Variants in DRC11 observed in about 807,000 individuals in gnomAD.
DRC11 encodes the protein IQ and AAA domain-containing protein 1.
the DRC11 span, among the ~76,000 whole-genome samples, chr2:236,455,292 T>G: frequency 6.6e-6 from 1 of 152,372 alleles, no homozygotes; most frequent in Non-Finnish European, 1.5e-5. The surrounding 1 kb of genome is among the most constrained non-coding windows in gnomAD (Gnocchi z 5.7). Flanking sequence ...TCGCCTATTA[T>G]GAGCCATGAG....
the DRC11 span, among the ~76,000 whole-genome samples, chr2:236,467,855 ATTAG>A: frequency 6.6e-6 from 1 of 152,240 alleles, no homozygotes; most frequent in South Asian, 2.1e-4. Flanking sequence ...TTTTAAACGA[ATTAG>A]TTAAATGTAA....
At chr2:236,492,430 C>T in the DRC11 span, among the ~76,000 whole-genome samples, 34 of 152,318 alleles carry the variant, frequency 2.2e-4, no homozygotes, top group East Asian at 6.2e-3. Flanking sequence ...CTTTTTTCTC[C>T]TGCCATCCTC....
At chr2:236,488,685 G>A in the DRC11 span, among the ~76,000 whole-genome samples, 1 of 152,128 alleles carries the variant, frequency 6.6e-6, no homozygotes. Flanking sequence ...CATTTTGGGG[G>A]CATTTAATTT....
chr2:236,406,935 T>C, the DRC11 span, among the ~76,000 whole-genome samples: 3 of 152,218 alleles, frequency 2.0e-5, no homozygotes, highest in East Asian at 5.8e-4. The surrounding 1 kb of genome is among the most constrained non-coding windows in gnomAD (Gnocchi z 4.7). Flanking sequence ...TTAGTAGAGA[T>C]GGGGTTTCAC....
the DRC11 span, among the ~76,000 whole-genome samples, chr2:236,460,143 T>C: frequency 6.6e-6 from 1 of 152,194 alleles, no homozygotes; most frequent in African/African-American, 2.4e-5. This position sits in a 1 kb window ranked among gnomAD's most constrained non-coding sequence, Gnocchi z 4.0. Flanking sequence ...TGTAATCCAA[T>C]TAAGGAAAAT....
the DRC11 span, among the ~76,000 whole-genome samples, chr2:236,372,514 CTTAAAG>C: frequency 1.2e-4 from 18 of 152,236 alleles, no homozygotes; most frequent in African/African-American, 3.9e-4. The surrounding 1 kb of genome is among the most constrained non-coding windows in gnomAD (Gnocchi z 4.5). Flanking sequence ...AACACGTTTA[CTTAAAG>C]TTAAATGATC....
the DRC11 span, chr2:236,346,708 C>T: frequency 1.2e-5 from 2 of 169,108 alleles, no homozygotes; most frequent in African/African-American, 4.8e-5. Context: ...GTGACCATCC[C>T]ATGATGGGCA....
chr2:236,504,878 A>G, the DRC11 span, among the ~76,000 whole-genome samples: 4 of 152,200 alleles, frequency 2.6e-5, no homozygotes, highest in African/African-American at 9.6e-5. The surrounding 1 kb of genome is among the most constrained non-coding windows in gnomAD (Gnocchi z 5.0). Flanking sequence ...ACCTGCTGTC[A>G]TGATTGTAAG....
the DRC11 span, among the ~76,000 whole-genome samples, chr2:236,372,009 G>T: frequency 6.6e-6 from 1 of 152,288 alleles, no homozygotes; most frequent in Admixed American, 6.5e-5. The surrounding 1 kb of genome is among the most constrained non-coding windows in gnomAD (Gnocchi z 4.5). Flanking sequence ...TTCTCAGATA[G>T]ACAGTGTGGT....
chr2:236,410,382 A>G, the DRC11 span, among the ~76,000 whole-genome samples: 2 of 152,204 alleles, frequency 1.3e-5, no homozygotes, highest in Admixed American at 1.3e-4. Context: ...ACCACTGCTC[A>G]AGGAAATAAA....
chr2:236,356,969 TTA>T, the DRC11 span, among the ~76,000 whole-genome samples: 2 of 88,916 alleles, frequency 2.2e-5, no homozygotes, highest in East Asian at 2.4e-4. Flanking sequence ...AATATATATA[TTA>T]TATATTCATA....
the DRC11 span, among the ~76,000 whole-genome samples, chr2:236,338,913 G>A: frequency 6.6e-6 from 1 of 152,222 alleles, no homozygotes; most frequent in Admixed American, 6.5e-5. Flanking sequence ...CACTAATGAG[G>A]GAGAGGAATG....
At chr2:236,365,557 A>C in the DRC11 span, among the ~76,000 whole-genome samples, 1 of 151,894 alleles carries the variant, frequency 6.6e-6, no homozygotes, top group South Asian at 2.1e-4. This position sits in a 1 kb window ranked among gnomAD's most constrained non-coding sequence, Gnocchi z 7.4. Context: ...GGTTTCTGGG[A>C]GTGGTAGAGG....
the DRC11 span, among the ~76,000 whole-genome samples, chr2:236,432,256 GT>G: frequency 6.6e-6 from 1 of 152,050 alleles, no homozygotes. Flanking sequence ...TCTTTTGCCT[GT>G]TTTTTGACTG....
At chr2:236,429,113 A>C in the DRC11 span, among the ~76,000 whole-genome samples, 1 of 152,334 alleles carries the variant, frequency 6.6e-6, no homozygotes, top group African/African-American at 2.4e-5. This position sits in a 1 kb window ranked among gnomAD's most constrained non-coding sequence, Gnocchi z 5.9. Context: ...GTGGGGGGAC[A>C]GAGGCATGCT....
the DRC11 span, among the ~76,000 whole-genome samples, chr2:236,341,551 CAG>C: frequency 1.3e-5 from 2 of 152,128 alleles, no homozygotes; most frequent in African/African-American, 4.8e-5. Flanking sequence ...TGCAGGAGGA[CAG>C]AGAATTCCGG....
At chr2:236,443,196 G>A in the DRC11 span, among the ~76,000 whole-genome samples, 2 of 152,176 alleles carry the variant, frequency 1.3e-5, no homozygotes. This position sits in a 1 kb window ranked among gnomAD's most constrained non-coding sequence, Gnocchi z 4.4. Flanking sequence ...ATAATTTTAA[G>A]TTGTGGGGTA....
the DRC11 span, among the ~76,000 whole-genome samples, chr2:236,329,939 AC>A: frequency 7.9e-5 from 12 of 152,332 alleles, no homozygotes; most frequent in East Asian, 2.1e-3. Flanking sequence ...AGATAGAAAA[AC>A]TTCTAGAGAT....
At chr2:236,312,307 G>A in the DRC11 span, among the ~76,000 whole-genome samples, 1 of 151,956 alleles carries the variant, frequency 6.6e-6, no homozygotes, top group African/African-American at 2.4e-5. Context: ...TTAGAATTGT[G>A]ATCTAATTTC....
Sources: allele counts gnomAD v4.1 joint callset (sites outside exome capture counted in the v4.1 genomes callset), GRCh38; gene constraint gnomAD v4.1.1; non-coding constraint Gnocchi (gnomAD v3.1); transcripts MANE v1.5; gene names NCBI Gene and HGNC (gene_info 2026-07-23, HGNC 2026-07-21).